Variants in DNER observed in about 807,000 individuals in gnomAD.
DNER encodes delta/notch like EGF repeat containing, also known as delta and Notch-like epidermal growth factor-related receptor.
Under a neutral mutation model 78.2 loss-of-function variants are expected in DNER, and 33 were observed. The ratio of observed to expected loss-of-function variants is 0.42; its 90% confidence interval spans 0.32 to 0.56. The LOEUF is 0.56. DNER is among the 20% of genes least tolerant of loss of function. The probability of loss-of-function intolerance (pLI) is 0.11; values close to 1 mark genes in which losing one functional copy is unlikely to be tolerated. For synonymous variants in DNER, 417 were observed against 384.8 expected (o/e 1.08, Z -0.98); for missense variants, 918 against 975.3 (o/e 0.94, Z 0.78).
chr2:229,608,136 A>G (rs770975671), intron 1 of DNER, among the ~76,000 whole-genome samples: 2 of 151,842 alleles, frequency 1.3e-5, no homozygotes, highest in Non-Finnish European at 2.9e-5. Flanking sequence ...AACTTATACC[A>G]TACATCTACA....
Position 229,506,510 on chromosome 2 carries a change from C to T in DNER, c.1147+6273G>A, listed in dbSNP as rs571322415. On this transcript the variant is annotated intron_variant, in intron 6 of 12. Transcript: ENST00000341772. ...TATTTGTAATGCAAAAATGCTATGG[C>T]CTTTTTTTTTCTTTTTTTTTTTATT... Among the ~76,000 whole-genome samples the T allele has an allele frequency of 2.5e-3, 290 of 114,376 alleles. 2 individuals are homozygous for T. Among genetic ancestry groups the T allele is most frequent in the African/African-American group, 7.9e-3 (282 of 35,620 alleles). 75.0% of individuals were successfully genotyped at this position (114,376 alleles called of 152,430 possible). A position where few individuals can be genotyped will look rare whatever the true frequency, so the allele number is the denominator to read the frequency against.
At chr2:229,487,577 T>C (rs1455256613) in intron 6 of DNER, among the ~76,000 whole-genome samples, 1 of 152,250 alleles carries the variant, frequency 6.6e-6, no homozygotes, top group Non-Finnish European at 1.5e-5. Flanking sequence ...TGTTACACCA[T>C]GAGACAGACA....
At chr2:229,433,434 A>G (rs1403303028) in intron 8 of DNER, among the ~76,000 whole-genome samples, 1 of 152,212 alleles carries the variant, frequency 6.6e-6, no homozygotes, top group African/African-American at 2.4e-5. Context: ...TAAGGGAAAA[A>G]AGTAACACAA....
chr2:229,482,576 G>A (rs2154211484), intron 6 of DNER, among the ~76,000 whole-genome samples: 1 of 152,246 alleles, frequency 6.6e-6, no homozygotes, highest in East Asian at 1.9e-4. Flanking sequence ...CTGCTCATAG[G>A]CATCAGTATT....
rs374084462 is a variant in DNER at position 229,449,297 on chromosome 2, G to A, written c.1262-1757C>T. On this transcript the variant is annotated intron_variant, in intron 7 of 12. Coordinates refer to ENST00000341772, the MANE Select transcript of DNER (RefSeq NM_139072.4). ...ACATATGACAGTACTATATGTTACC[G>A]TCACTATTTAACATGATTTCAAAAA... Among the ~76,000 whole-genome samples the A allele has an allele frequency of 2.5e-4, 38 of 152,152 alleles. No homozygotes were observed. In the East Asian group the frequency reaches 4.8e-3, roughly 19 times the overall value.
At chr2:229,367,265 G>A (rs755311145) in intron 11 of DNER, 146 bp from the exon 12 acceptor site, 16 of 1,194,816 alleles carry the variant, frequency 1.3e-5, no homozygotes, top group Non-Finnish European at 1.7e-5. Flanking sequence ...CCAGACCCAG[G>A]GTTAATATCC....
intron 1 of DNER, among the ~76,000 whole-genome samples, chr2:229,675,974 G>T (rs1048085390): frequency 6.6e-6 from 1 of 152,308 alleles, no homozygotes; most frequent in Admixed American, 6.5e-5. Context: ...GGAGAAGGAA[G>T]CTGCAGTTCT....
chr2:229,490,884 C>G (rs946804616), intron 6 of DNER, among the ~76,000 whole-genome samples: 1 of 152,206 alleles, frequency 6.6e-6, no homozygotes, highest in African/African-American at 2.4e-5. Context: ...CTTCCAGCAC[C>G]ACAGTGGTCA....
chr2:229,514,032 G>C (rs1420725743), intron 5 of DNER, among the ~76,000 whole-genome samples: 1 of 151,918 alleles, frequency 6.6e-6, no homozygotes, highest in Non-Finnish European at 1.5e-5. Flanking sequence ...AAGAGAAAAG[G>C]GTTATCCATT....
At chr2:229,609,079 C>T (rs796638493) in intron 1 of DNER, among the ~76,000 whole-genome samples, 7 of 152,142 alleles carry the variant, frequency 4.6e-5, no homozygotes, top group African/African-American at 1.2e-4. Context: ...AAAAATTAGC[C>T]GGGCATGGTG....
At chr2:229,563,762 CA>C (rs1697027230) in intron 4 of DNER, among the ~76,000 whole-genome samples, 1 of 145,656 alleles carries the variant, frequency 6.9e-6, no homozygotes, top group Non-Finnish European at 1.5e-5. Context: ...TCATCCTCCT[CA>C]CCCCATCTCC....
In DNER at chr2:229,554,941, A is replaced by AAAAGGAAGGGAAGGGAAGGGAAGGG. The variant is rs1425593874; in HGVS notation, c.848-7850_848-7849insCCCTTCCCTTCCCTTCCCTTCCTTT. The stretch of plus-strand genomic sequence containing the variant: ...AGAAGAGAAGAGAAGAGAAGAGAGA[A>AAAAGGAAGGGAAGGGAAGGGAAGGG]AAGGGAAGGGAAGGGAAGGGAAGGG... On this transcript the variant is annotated intron_variant, in intron 4 of 12. Coordinates refer to ENST00000341772, the MANE Select transcript of DNER (RefSeq NM_139072.4). Among the ~76,000 whole-genome samples the AAAAGGAAGGGAAGGGAAGGGAAGGG allele has an allele frequency of 2.0e-4, 5 of 25,608 alleles. 1 individual carries two copies. Among genetic ancestry groups the AAAAGGAAGGGAAGGGAAGGGAAGGG allele is most frequent in the Non-Finnish European group, 3.9e-4 (5 of 12,692 alleles). 16.8% of individuals were successfully genotyped at this position (25,608 alleles called of 152,430 possible). A position where few individuals can be genotyped will look rare whatever the true frequency, so the allele number is the denominator to read the frequency against.
At chr2:229,385,553 G>C (rs1692844405) in intron 11 of DNER, among the ~76,000 whole-genome samples, 1 of 152,222 alleles carries the variant, frequency 6.6e-6, no homozygotes, top group Non-Finnish European at 1.5e-5. Flanking sequence ...CAGATGACAT[G>C]ATTGTATATT....
At chr2:229,635,166 A>G (rs1210473476) in intron 1 of DNER, among the ~76,000 whole-genome samples, 1 of 151,788 alleles carries the variant, frequency 6.6e-6, no homozygotes, top group African/African-American at 2.4e-5. Flanking sequence ...CCCTCTCCCC[A>G]TGCCTGTTCC....
intron 1 of DNER, among the ~76,000 whole-genome samples, chr2:229,620,290 G>T (rs1698231861): frequency 6.6e-6 from 1 of 152,170 alleles, no homozygotes; most frequent in African/African-American, 2.4e-5. Context: ...AACAGAAAGG[G>T]CTGAGCAAAA....
intron 7 of DNER, among the ~76,000 whole-genome samples, chr2:229,464,433 G>A (rs1694761907): frequency 6.6e-6 from 1 of 152,128 alleles, no homozygotes; most frequent in Non-Finnish European, 1.5e-5. Flanking sequence ...GAAATCATCA[G>A]AAGAATGTTA....
At chr2:229,667,705 C>T (rs13387568) in intron 1 of DNER, among the ~76,000 whole-genome samples, 31,297 of 151,914 alleles carry the variant, frequency 0.21, 5,558 homozygotes, top group African/African-American at 0.48. Context: ...GGGTAGTGTC[C>T]TAAAATGAAA....
chr2:229,693,502 T>G (rs553513075), intron 1 of DNER, among the ~76,000 whole-genome samples: 46 of 152,152 alleles, frequency 3.0e-4, no homozygotes, highest in South Asian at 1.2e-3. Context: ...AAGAAAAATG[T>G]GGGTAAGTTT....
At chr2:229,472,799 C>A (rs1350026870) in intron 7 of DNER, among the ~76,000 whole-genome samples, 1 of 152,176 alleles carries the variant, frequency 6.6e-6, no homozygotes, top group African/African-American at 2.4e-5. Context: ...CCCACCGTAA[C>A]CAGAATCTGA....
Sources: gnomAD v4.1 joint callset for allele counts (sites outside exome capture counted in the v4.1 genomes callset) on GRCh38, gnomAD v4.1.1 for gene constraint, MANE v1.5 for transcripts, NCBI Gene and HGNC (gene_info 2026-07-23, HGNC 2026-07-21) for gene names.